The following LRCH2 variants were observed in gnomAD, a reference collection of about 807,000 sequenced individuals.
LRCH2 encodes leucine-rich repeat and calponin homology domain-containing protein 2.
LRCH2 carries 38 observed loss-of-function variants against 68.9 expected under a neutral mutation model. That is an observed-to-expected ratio of 0.55 (90% CI 0.43 to 0.72). LRCH2 has a LOEUF of 0.72. Among genes scored for constraint, LRCH2 ranks in the 30% least tolerant of loss-of-function variants. The pLI, the probability that LRCH2 is intolerant of heterozygous loss-of-function variation, is 0.00. For missense variants in LRCH2, 528 were observed against 572.9 expected, an observed-to-expected ratio of 0.92 and a Z score of 0.80; for synonymous variants, 191 against 208.1, an observed-to-expected ratio of 0.92 and a Z score of 0.71.
At chrX:115,232,977 A>G (rs782378268) in intron 1 of LRCH2, among the ~76,000 whole-genome samples, 13 of 112,070 alleles carry the variant, frequency 1.2e-4, no homozygotes, top group African/African-American at 3.9e-4. Flanking sequence ...TTTTTTCTCA[A>G]AAATACCCTT....
At position 115,197,847 on chromosome X, in the gene LRCH2, T is replaced by TCTCTCTCTCTCTCTCTCTCTCA. The variant is rs782358260; in HGVS notation, c.350-9478_350-9477insTGAGAGAGAGAGAGAGAGAGAG. Among the ~76,000 whole-genome samples, 40 of 20,565 alleles carry TCTCTCTCTCTCTCTCTCTCTCA rather than the reference T, an allele frequency of 1.9e-3. 3 individuals carry two copies. Among genetic ancestry groups the TCTCTCTCTCTCTCTCTCTCTCA allele is most frequent in the African/African-American group, 7.1e-3 (37 of 5,182 alleles). 17.9% of individuals were successfully genotyped at this position (20,565 alleles called of 115,157 possible). The stretch of plus-strand genomic sequence containing the variant: ...CTCTCTCTCTCTCTCTCTCTCTCTC[T>TCTCTCTCTCTCTCTCTCTCTCA]CACACACACACACACACACACACAC... On this transcript the variant is annotated intron_variant, in intron 1 of 20. Transcript: ENST00000317135.
intron 14 of LRCH2, among the ~76,000 whole-genome samples, chrX:115,134,692 A>G (rs2072273674): frequency 8.9e-6 from 1 of 112,060 alleles, no homozygotes; most frequent in Non-Finnish European, 1.9e-5. Flanking sequence ...TCATAATATT[A>G]CTGCTCATTT....
At chrX:115,166,437 A>T in intron 6 of LRCH2, 95 bp from the exon 7 acceptor site, 1 of 518,781 alleles carries the variant, frequency 1.9e-6, no homozygotes, top group East Asian at 3.7e-5. Flanking sequence ...TACAGAATAT[A>T]TACTTTTGAT....
At chrX:115,155,851 G>A (rs892141378) in intron 12 of LRCH2, among the ~76,000 whole-genome samples, 4 of 111,732 alleles carry the variant, frequency 3.6e-5, no homozygotes. Context: ...TGTACAAGAT[G>A]AAGCTCTCAG....
chrX:115,191,135 G>A, intron 1 of LRCH2: 1 of 1,166,990 alleles, frequency 8.6e-7, no homozygotes, highest in Non-Finnish European at 1.1e-6. Context: ...GCCCACAGTG[G>A]GGGCTGCTCT....
chrX:115,151,043 A>G (rs2072427754), intron 12 of LRCH2, among the ~76,000 whole-genome samples: 1 of 111,834 alleles, frequency 8.9e-6, no homozygotes, highest in Non-Finnish European at 1.9e-5. Flanking sequence ...TACAGGTATA[A>G]CTTCTCTTTC....
intron 10 of LRCH2, among the ~76,000 whole-genome samples, chrX:115,164,633 C>G (rs1276597673): frequency 6.3e-5 from 7 of 111,425 alleles, no homozygotes; most frequent in Non-Finnish European, 3.8e-5. Context: ...CTTTCACACT[C>G]TAGGTACTAG....
intron 3 of LRCH2, among the ~76,000 whole-genome samples, chrX:115,181,899 G>A (rs2072694265): frequency 9.2e-6 from 1 of 108,209 alleles, no homozygotes; most frequent in Admixed American, 9.9e-5. Context: ...AAATATTCAG[G>A]AAAAAAAAAG....
chrX:115,223,655 C>T (rs964342418), intron 1 of LRCH2, among the ~76,000 whole-genome samples: 6 of 110,276 alleles, frequency 5.4e-5, no homozygotes, highest in Non-Finnish European at 9.5e-5. Context: ...GTGGCTCACG[C>T]TTGTAATCCC....
At position 115,112,861 on chromosome X, in the gene LRCH2, T is replaced by C. The variant is rs896383504; in HGVS notation, c.*355A>G. The C allele has an allele frequency of 2.5e-5, 3 of 118,482 alleles. No individual in the cohort carries two copies. Among genetic ancestry groups the C allele is most frequent in the Non-Finnish European group, 5.2e-5 (3 of 57,642 alleles). The allele number at this position is 118,482 out of a possible 1,213,427, so 9.8% of individuals were successfully genotyped here. On this transcript the variant is annotated 3_prime_UTR_variant, in exon 21 of 21. Coordinates refer to ENST00000317135, the MANE Select transcript of LRCH2 (RefSeq NM_020871.4). ...AAAAAAAATTACCTTTATCCAGATG[T>C]TTACTAATATGCTATGATGTAAAAA...
At chrX:115,193,776 C>A (rs192881466) in intron 1 of LRCH2, among the ~76,000 whole-genome samples, 2 of 110,964 alleles carry the variant, frequency 1.8e-5, no homozygotes, top group African/African-American at 6.6e-5. Context: ...TGGCATCTAC[C>A]CACTAGATGC....
chrX:115,167,518 T>A (rs1403475334), intron 6 of LRCH2, among the ~76,000 whole-genome samples: 2 of 110,213 alleles, frequency 1.8e-5, no homozygotes, highest in African/African-American at 6.6e-5. Context: ...TTGAGCTTAG[T>A]CTTGTGGATG....
intron 12 of LRCH2, among the ~76,000 whole-genome samples, chrX:115,150,293 C>T (rs1353470687): frequency 9.1e-6 from 1 of 110,329 alleles, no homozygotes; most frequent in Admixed American, 9.8e-5. Context: ...TCTATGTAGG[C>T]CCTATGCATA....
At chrX:115,192,750 C>A in intron 1 of LRCH2, 2 of 819,437 alleles carry the variant, frequency 2.4e-6, no homozygotes, top group South Asian at 2.6e-5. Context: ...GTTGTTTTTA[C>A]CTTTTAAGAA....
chrX:115,115,031 A>G (rs1309649751), intron 20 of LRCH2, among the ~76,000 whole-genome samples: 2 of 111,312 alleles, frequency 1.8e-5, no homozygotes, highest in African/African-American at 6.5e-5. Flanking sequence ...ACTGAAAACT[A>G]CAAAACACTG....
chrX:115,156,521 G>A, intron 12 of LRCH2, 81 bp downstream of exon 12: 1 of 542,927 alleles, frequency 1.8e-6, no homozygotes, highest in East Asian at 4.3e-5. Flanking sequence ...TTTAATTAAA[G>A]CCTATATACA....
chrX:115,131,657 T>C (rs2072246680), intron 14 of LRCH2, among the ~76,000 whole-genome samples: 1 of 111,705 alleles, frequency 9.0e-6, no homozygotes, highest in Non-Finnish European at 1.9e-5. Context: ...TATTTCTAGT[T>C]CTAGAACCTC....
At chrX:115,137,220 G>C (rs782635520) in intron 14 of LRCH2, among the ~76,000 whole-genome samples, 2 of 111,295 alleles carry the variant, frequency 1.8e-5, no homozygotes, top group African/African-American at 3.3e-5. Flanking sequence ...GGGCAAGAAA[G>C]TATGAGGGTT....
chrX:115,124,348 A>G (rs2072168177), intron 16 of LRCH2, among the ~76,000 whole-genome samples: 1 of 112,405 alleles, frequency 8.9e-6, no homozygotes, highest in Non-Finnish European at 1.9e-5. Context: ...AGGTAAGTGA[A>G]TTTAGCATTT....
Sources: allele counts gnomAD v4.1 joint callset (sites outside exome capture counted in the v4.1 genomes callset), GRCh38; gene constraint gnomAD v4.1.1; transcripts MANE v1.5; gene names NCBI Gene and HGNC (gene_info 2026-07-23, HGNC 2026-07-21).